The following POU6F2 variants were observed in gnomAD, a reference collection of about 807,000 sequenced individuals.
POU6F2 encodes POU domain, class 6, transcription factor 2.
In POU6F2, 31 loss-of-function variants were observed where a neutral mutation model predicts 71.3. That is an observed-to-expected ratio of 0.43 (90% CI 0.33 to 0.59). POU6F2 has a LOEUF of 0.59. POU6F2 is among the 20% of genes least tolerant of loss of function. POU6F2 has a pLI of 0.04. For synonymous variants in POU6F2, 347 were observed against 355.7 expected (o/e 0.98, Z 0.27); for missense variants, 783 against 856.8 (o/e 0.91, Z 1.07).
chr7:39,280,630 G>T (rs548026430), intron 4 of POU6F2, among the ~76,000 whole-genome samples: 1 of 152,172 alleles, frequency 6.6e-6, no homozygotes, highest in Non-Finnish European at 1.5e-5. Flanking sequence ...AATTTAAGGG[G>T]GGCAGTGAAG....
At chr7:39,372,472 C>A (rs1157847470) in intron 5 of POU6F2, among the ~76,000 whole-genome samples, 1 of 152,108 alleles carries the variant, frequency 6.6e-6, no homozygotes, top group African/African-American at 2.4e-5. Context: ...AGCTGATATA[C>A]CAGATAGAGT....
At chr7:39,052,247 A>T (rs1790413643) in intron 1 of POU6F2, among the ~76,000 whole-genome samples, 1 of 152,180 alleles carries the variant, frequency 6.6e-6, no homozygotes, top group Non-Finnish European at 1.5e-5. Context: ...CAATATAAAT[A>T]TGAGAAAAAC....
At chr7:38,982,289 T>C (rs1392620466) in intron 1 of POU6F2, among the ~76,000 whole-genome samples, 1 of 152,138 alleles carries the variant, frequency 6.6e-6, no homozygotes, top group East Asian at 1.9e-4. Context: ...ATTTTGGGAG[T>C]GTGAAATTAT....
chr7:39,397,905 G>A (rs950087415), intron 5 of POU6F2, among the ~76,000 whole-genome samples: 44 of 149,094 alleles, frequency 3.0e-4, no homozygotes, highest in Non-Finnish European at 4.9e-4. Context: ...TGCAACCTCC[G>A]CCTCCCGGGT....
chr7:39,169,771 G>C (rs951307447), intron 2 of POU6F2, among the ~76,000 whole-genome samples: 1 of 151,442 alleles, frequency 6.6e-6, no homozygotes, highest in Non-Finnish European at 1.5e-5. Flanking sequence ...ATAAAATAAG[G>C]GTTAGTACTC....
chr7:39,451,699 G>A lies in POU6F2; in HGVS notation c.1487G>A (p.Ser496Asn), dbSNP rs1386143281. The A allele has an allele frequency of 3.2e-6, 5 of 1,584,040 alleles. No individual in the cohort carries two copies. In the South Asian group the frequency reaches 5.8e-5, roughly 18 times the overall value. The change falls in exon 8 of 10, where the codon AGC becomes AAC. Residue 496 changes from serine to asparagine, a missense_variant and splice_region_variant. Transcript: ENST00000518318. ...GCTTTGAGCGTGGGCCAGTTAGTCA[G>A]CAGTAAGTATCCTTTCTGGCTCGGT... Reference protein sequence around the residue: ...SSALSVGQLVSNPQTAAGEVD... With the variant: ...SSALSVGQLVNNPQTAAGEVD...
At chr7:39,062,878 T>C (rs1175052308) in intron 1 of POU6F2, among the ~76,000 whole-genome samples, 1 of 151,242 alleles carries the variant, frequency 6.6e-6, no homozygotes, top group Non-Finnish European at 1.5e-5. Flanking sequence ...TGTTTGTTTT[T>C]TACCAAAAAA....
chr7:39,166,120 A>G (rs2128737832), intron 2 of POU6F2, among the ~76,000 whole-genome samples: 1 of 152,330 alleles, frequency 6.6e-6, no homozygotes, highest in African/African-American at 2.4e-5. Flanking sequence ...TGTGTCCAGC[A>G]TAATGTCCAA....
At chr7:39,151,441 A>C (rs556400944) in intron 2 of POU6F2, among the ~76,000 whole-genome samples, 4 of 152,166 alleles carry the variant, frequency 2.6e-5, no homozygotes, top group African/African-American at 9.7e-5. Context: ...CATCAGCTTC[A>C]TTAGTCCAGA....
chr7:39,060,421 A>T (rs1375299210), intron 1 of POU6F2, among the ~76,000 whole-genome samples: 1 of 152,182 alleles, frequency 6.6e-6, no homozygotes, highest in African/African-American at 2.4e-5. Context: ...ATATACTAAA[A>T]ACAACTGAAT....
intron 5 of POU6F2, among the ~76,000 whole-genome samples, chr7:39,380,607 CA>C (rs897698477): frequency 1.3e-5 from 2 of 151,708 alleles, no homozygotes; most frequent in Admixed American, 6.6e-5. Context: ...TATATTCTAG[CA>C]AAAAAAGTCA....
Position 39,261,062 on chromosome 7 carries a change from C to T in POU6F2, c.598+53442C>T, listed in dbSNP as rs578008239. 4.5e-3 allele frequency among the ~76,000 whole-genome samples: 507 copies of T among 112,492 alleles called. 5 individuals are homozygous for T. The East Asian group carries it at 0.052, about 11-fold the overall frequency. The allele number at this position is 112,492 out of a possible 152,430, so 73.8% of individuals were successfully genotyped here. On this transcript the variant is annotated intron_variant, in intron 4 of 9. Transcript: ENST00000518318. ...CACACATCTACATAACACATACACA[C>T]ATGCACACACACACACACACACACA...
intron 4 of POU6F2, among the ~76,000 whole-genome samples, chr7:39,223,028 G>A (rs1794399873): frequency 6.6e-6 from 1 of 152,144 alleles, no homozygotes; most frequent in African/African-American, 2.4e-5. Flanking sequence ...AAGGATGCCA[G>A]TTTCTCCACA....
At chr7:39,346,716 C>T (rs1010439098) in intron 5 of POU6F2, among the ~76,000 whole-genome samples, 1 of 152,218 alleles carries the variant, frequency 6.6e-6, no homozygotes, top group Non-Finnish European at 1.5e-5. Context: ...ATGAGCAGTG[C>T]TTGGCCAGTA....
intron 2 of POU6F2, among the ~76,000 whole-genome samples, chr7:39,137,808 C>T (rs1792416901): frequency 6.6e-6 from 1 of 152,166 alleles, no homozygotes; most frequent in Non-Finnish European, 1.5e-5. Context: ...ACAGTTCAAC[C>T]TGTGCATATT....
Position 39,200,553 on chromosome 7 carries a change from T to C in POU6F2, c.278-3682T>C, listed in dbSNP as rs546274684. 1.2e-4 allele frequency among the ~76,000 whole-genome samples: 19 copies of C among 152,294 alleles called. No individual in the cohort carries two copies. In the South Asian group the frequency reaches 2.5e-3, roughly 20 times the overall value. On this transcript the variant is annotated intron_variant, in intron 2 of 9. Coordinates refer to ENST00000518318, the MANE Select transcript of POU6F2 (RefSeq NM_001370959.1). ...AGTCGAGTTCCAAACGTTCATCCAG[T>C]GGTGCCAAGGACAGAGTTAGAGTCA...
At chr7:39,059,410 C>T (rs999189855) in intron 1 of POU6F2, among the ~76,000 whole-genome samples, 2 of 151,272 alleles carry the variant, frequency 1.3e-5, no homozygotes, top group East Asian at 1.9e-4. Context: ...AGTGAGTGAC[C>T]GGATCTCATT....
At chr7:39,288,297 G>A (rs757335211) in intron 4 of POU6F2, among the ~76,000 whole-genome samples, 1 of 152,052 alleles carries the variant, frequency 6.6e-6, no homozygotes, top group Non-Finnish European at 1.5e-5. Flanking sequence ...GCCCACCTCT[G>A]CCCCTCTCAG....
intron 8 of POU6F2, among the ~76,000 whole-genome samples, chr7:39,453,728 A>G (rs1438275172): frequency 1.3e-5 from 2 of 152,322 alleles, no homozygotes; most frequent in Non-Finnish European, 2.9e-5. Flanking sequence ...CTTTCATTGC[A>G]CAGTAGCCAG....
Sources: gnomAD v4.1 joint callset for allele counts (sites outside exome capture counted in the v4.1 genomes callset) on GRCh38, gnomAD v4.1.1 for gene constraint, MANE v1.5 for transcripts, NCBI Gene and HGNC (gene_info 2026-07-23, HGNC 2026-07-21) for gene names.